UNC13A: variants seen among roughly 807,000 people sequenced by gnomAD.
UNC13A encodes the protein unc-13 homolog A, also known as protein unc-13 homolog A.
Under a neutral mutation model 219.7 loss-of-function variants are expected in UNC13A, and 61 were observed. That is an observed-to-expected ratio of 0.28 (90% confidence interval 0.23 to 0.34). UNC13A has a LOEUF of 0.34. Among genes scored for constraint, UNC13A ranks in the 10% least tolerant of loss-of-function variants. UNC13A has a pLI of 1.00. For synonymous variants in UNC13A, 920 were observed against 884.6 expected (o/e 1.04, Z -0.71); for missense variants, 1,476 against 2,270.3 (o/e 0.65, Z 7.11).
Position 17,605,784 on chromosome 19 carries a change from C to T in UNC13A, c.*270G>A. On this transcript the variant is annotated 3_prime_UTR_variant, in exon 44 of 44. Transcript: ENST00000519716. ...GTTTCCCCCATCCCAGCTCAAAATG[C>T]CCCCTAGGTGCTGGGGGCGTGGCCT... 1 of 405,038 alleles carries T rather than the reference C, an allele frequency of 2.5e-6. No homozygotes were observed. Among genetic ancestry groups the T allele is most frequent in the Non-Finnish European group, 4.3e-6 (1 of 230,350 alleles). 25.1% of individuals were successfully genotyped at this position (405,038 alleles called of 1,614,324 possible). A position where few individuals can be genotyped will look rare whatever the true frequency, so the allele number is the denominator to read the frequency against.
At chr19:17,625,099 T>A (rs1391196142) in intron 34 of UNC13A, 147 bp from the exon 35 acceptor site, 1 of 1,240,642 alleles carries the variant, frequency 8.1e-7, no homozygotes, top group Non-Finnish European at 1.1e-6. Flanking sequence ...GATGGGGCTA[T>A]GATATCTGAT....
intron 28 of UNC13A, among the ~76,000 whole-genome samples, chr19:17,632,315 G>T (rs948474913): frequency 3.3e-5 from 5 of 152,124 alleles, no homozygotes. Flanking sequence ...AAAGTCCTGG[G>T]ATTACAGGCA....
chr19:17,672,760 G>A (rs1308016831), intron 3 of UNC13A, among the ~76,000 whole-genome samples: 5 of 152,136 alleles, frequency 3.3e-5, no homozygotes, highest in South Asian at 2.1e-4. Flanking sequence ...GTTACACATC[G>A]CCTGCACCTT....
chr19:17,632,703 C>A, intron 28 of UNC13A, 79 bp downstream of exon 28: 1 of 1,602,050 alleles, frequency 6.2e-7, no homozygotes, highest in Non-Finnish European at 8.5e-7. Flanking sequence ...CTAAGTAGGT[C>A]AGTCTTCCTC....
chr19:17,659,980 C>T (rs1599390636), intron 8 of UNC13A, among the ~76,000 whole-genome samples: 1 of 152,204 alleles, frequency 6.6e-6, no homozygotes, highest in African/African-American at 2.4e-5. Flanking sequence ...ACTGAAACCT[C>T]GACCTCCTGG....
rs2076508039 is a variant in UNC13A, at chr19:17,605,169, CTG to C, written c.*883_*884del. 1 of 152,698 alleles carries C rather than the reference CTG, an allele frequency of 6.5e-6. No individual in the cohort carries two copies. Among genetic ancestry groups the C allele is most frequent in the South Asian group, 2.1e-4 (1 of 4,836 alleles). The allele number at this position is 152,698 out of a possible 1,614,324, so 9.5% of individuals were successfully genotyped here. On this transcript the variant is annotated 3_prime_UTR_variant, in exon 44 of 44. Transcript: ENST00000519716. ...AGGGGGAATTAGCAGCAATAGGGAG[CTG>C]TGTCAGGTCATCCCGATCTCAGCCC... is the stretch of plus-strand genomic sequence containing the variant.
At chr19:17,678,809 G>A (rs1056585621) in intron 1 of UNC13A, among the ~76,000 whole-genome samples, 1 of 152,066 alleles carries the variant, frequency 6.6e-6, no homozygotes, top group Non-Finnish European at 1.5e-5. Flanking sequence ...TGACGGGATC[G>A]GGGGTGGAGG....
At chr19:17,668,923 A>G (rs2079720084) in intron 5 of UNC13A, among the ~76,000 whole-genome samples, 1 of 152,142 alleles carries the variant, frequency 6.6e-6, no homozygotes, top group Admixed American at 6.6e-5. Context: ...AGCCTCCCAA[A>G]TAGTTGGGAC....
chr19:17,627,732 C>T lies in UNC13A; in HGVS notation c.3831+131G>A, dbSNP rs1274810696. On this transcript the variant is annotated intron_variant, in intron 32 of 43. Transcript: ENST00000519716. This position sits in a 1 kb window ranked among gnomAD's most constrained non-coding sequence, Gnocchi z 4.7. ...GAGGCACAGACCGTTATGCTGCAAG[C>T]CTGGGTTTAAGGCCATGGTTGAGCT... The T allele has an allele frequency of 1.6e-5, 21 of 1,276,864 alleles. No homozygotes were observed. The highest frequency in any genetic ancestry group is 2.3e-5 in the Non-Finnish European group (21 of 909,952). 79.1% of individuals were successfully genotyped at this position (1,276,864 alleles called of 1,614,324 possible). A position where few individuals can be genotyped will look rare whatever the true frequency, so the allele number is the denominator to read the frequency against.
rs1026603062 is a variant in UNC13A at position 17,627,841 on chromosome 19, C to A, written c.3831+22G>T. 1 of 1,583,386 alleles carries A rather than the reference C, an allele frequency of 6.3e-7. No individual in the cohort carries two copies. On this transcript the variant is annotated intron_variant, in intron 32 of 43. Transcript: ENST00000519716. This position sits in a 1 kb window ranked among gnomAD's most constrained non-coding sequence, Gnocchi z 4.7. ...TGGGGGTGCCCCATCCCTTCTCCAG[C>A]CCTGCCTCGGCCCTGCCTCACCTCC... is the stretch of plus-strand genomic sequence containing the variant.
chr19:17,686,005 T>C (rs2080101460), intron 1 of UNC13A, among the ~76,000 whole-genome samples: 1 of 146,256 alleles, frequency 6.8e-6, no homozygotes, highest in Non-Finnish European at 1.5e-5. Context: ...CACTTCTCCC[T>C]CTCCCCACCC....
chr19:17,667,326 GAGTGAAAA>G (rs1375776085), intron 6 of UNC13A, among the ~76,000 whole-genome samples: 1 of 152,012 alleles, frequency 6.6e-6, no homozygotes, highest in African/African-American at 2.4e-5. Context: ...AGCAGGACAA[GAGTGAAAA>G]AACTACCCGT....
At chr19:17,663,663 T>TC (rs1371614428) in intron 7 of UNC13A, 96 bp from the exon 8 acceptor site, 1 of 1,307,200 alleles carries the variant, frequency 7.6e-7, no homozygotes, top group African/African-American at 1.5e-5. Context: ...CCCCAACTGC[T>TC]CCCCCCACCC....
At position 17,640,037 on chromosome 19, in the gene UNC13A, T is replaced by A. The variant is rs1205938132; in HGVS notation, c.2788-129A>T. ...TAATGTCCATTTCCATTCTATGGCA[T>A]TTTTTTTTTTGTTTTGAGACAGAGT... is the stretch of plus-strand genomic sequence containing the variant. On this transcript the variant is annotated intron_variant, in intron 22 of 43. Coordinates refer to ENST00000519716, the MANE Select transcript of UNC13A (RefSeq NM_001080421.3). The A allele has an allele frequency of 2.0e-5, 7 of 354,384 alleles. No homozygotes were observed. The East Asian group carries it at 4.2e-4, about 21-fold the overall frequency. The allele number at this position is 354,384 out of a possible 1,614,324, so 22.0% of individuals were successfully genotyped here.
rs890020457 is a variant in UNC13A at position 17,606,132 on chromosome 19, G to T, written c.5034C>A (p.Asp1678Glu). 1 of 1,593,378 alleles carries T rather than the reference G, an allele frequency of 6.3e-7. No homozygotes were observed. The highest frequency in any genetic ancestry group is 8.5e-7 in the Non-Finnish European group (1 of 1,171,766). The change falls in exon 44 of 44, where the codon GAC becomes GAA. Residue 1678 changes from aspartate (D) to glutamate (E), a missense_variant. Around this residue, in one of 14 missense-constraint regions of UNC13A, gnomAD observed 187 missense variants for 172.3 expected, o/e 1.09. Coordinates refer to ENST00000519716, the MANE Select transcript of UNC13A (RefSeq NM_001080421.3). ...VLRILSQRSN[D>E]EVAKEFVKLK... ...GCTTCACGAACTCCTTGGCCACCTC[G>T]TCGTTGCTGCGCTGCGAGAGGATTC...
intron 19 of UNC13A, among the ~76,000 whole-genome samples, chr19:17,644,741 G>A (rs1190508362): frequency 1.3e-5 from 2 of 151,942 alleles, no homozygotes; most frequent in Non-Finnish European, 2.9e-5. Context: ...CCCTGGGCTG[G>A]AGTGCAGCAG....
At chr19:17,661,028 T>G (rs2079541794) in intron 8 of UNC13A, among the ~76,000 whole-genome samples, 1 of 151,572 alleles carries the variant, frequency 6.6e-6, no homozygotes, top group Non-Finnish European at 1.5e-5. Context: ...AGTCCCAACC[T>G]CCTGGGCTCA....
chr19:17,686,016 C>T (rs2080101753), intron 1 of UNC13A, among the ~76,000 whole-genome samples: 1 of 151,734 alleles, frequency 6.6e-6, no homozygotes, highest in Non-Finnish European at 1.5e-5. Flanking sequence ...CTCCCCACCC[C>T]TCCCTGCCTC....
chr19:17,686,014 C>A (rs12979928), intron 1 of UNC13A, among the ~76,000 whole-genome samples: 50,310 of 150,300 alleles, frequency 0.33, 10,088 homozygotes, highest in African/African-American at 0.56. Context: ...CTCTCCCCAC[C>A]CCTCCCTGCC....
Sources: allele counts gnomAD v4.1 joint callset (sites outside exome capture counted in the v4.1 genomes callset), GRCh38; gene constraint gnomAD v4.1.1; regional missense constraint gnomAD v4.1.1; non-coding constraint Gnocchi (gnomAD v3.1); transcripts MANE v1.5; gene names NCBI Gene and HGNC (gene_info 2026-07-23, HGNC 2026-07-21).